SPTBN1: variants seen among roughly 807,000 people sequenced by gnomAD.
SPTBN1 encodes the protein spectrin beta chain, non-erythrocytic 1.
SPTBN1 carries 32 observed loss-of-function variants against 266.4 expected under a neutral mutation model. That is an observed-to-expected ratio of 0.12 (90% CI 0.09 to 0.16). The LOEUF is 0.16. Among genes scored for constraint, SPTBN1 ranks in the 10% least tolerant of loss-of-function variants. The pLI is 1.00. For synonymous variants in SPTBN1, 1,336 were observed against 1,162.2 expected (o/e 1.15, Z -3.04); for missense variants, 2,296 against 3,067.1 (o/e 0.75, Z 5.94).
At chr2:54,518,917 AC>A (rs1670269941) in intron 1 of SPTBN1, among the ~76,000 whole-genome samples, 1 of 152,232 alleles carries the variant, frequency 6.6e-6, no homozygotes, top group African/African-American at 2.4e-5. Flanking sequence ...TAATTTTTTT[AC>A]AAGGGTAAAA....
chr2:54,632,077 TAAAAAA>T (rs34563622), intron 16 of SPTBN1, among the ~76,000 whole-genome samples: 1 of 120,856 alleles, frequency 8.3e-6, no homozygotes, highest in South Asian at 2.7e-4. Flanking sequence ...CCCTGTCTCT[TAAAAAA>T]AAAAAAAAAA....
chr2:54,658,091 C>T (rs755572013), intron 30 of SPTBN1, 45 bp downstream of exon 30: 4 of 1,607,366 alleles, frequency 2.5e-6, no homozygotes, highest in Non-Finnish European at 3.4e-6. Context: ...CCTGGGCAGC[C>T]TTTTCTTCCT....
intron 2 of SPTBN1, among the ~76,000 whole-genome samples, chr2:54,578,234 A>G (rs1045102620): frequency 4.6e-5 from 7 of 152,260 alleles, no homozygotes; most frequent in Non-Finnish European, 1.5e-5. Context: ...TACACAGAGA[A>G]TAACCTTGGA....
intron 3 of SPTBN1, among the ~76,000 whole-genome samples, chr2:54,611,081 T>C (rs6714663): frequency 0.01 from 1,579 of 152,296 alleles, 32 homozygotes; most frequent in African/African-American, 0.035. Flanking sequence ...AATCTGTGTT[T>C]GTGTGTATGA....
At chr2:54,643,272 C>A in intron 19 of SPTBN1, 143 bp downstream of exon 19, 2 of 1,255,248 alleles carry the variant, frequency 1.6e-6, no homozygotes, top group Non-Finnish European at 2.2e-6. Context: ...GCTCCCTTTG[C>A]ACGTACGGGT....
In SPTBN1 at chr2:54,460,934, A is replaced by G. The variant is rs573741106; in HGVS notation, c.-48+4416A>G. Among the ~76,000 whole-genome samples, 11 of 152,312 alleles carry G rather than the reference A, an allele frequency of 7.2e-5. No homozygotes were observed. In the South Asian group the frequency reaches 2.3e-3, roughly 32 times the overall value. ...ACAGAATCAGTTGAACTGGGGAGGC[A>G]GAGGTTGCAGTGAGCCGAGATCGCG... On this transcript the variant is annotated intron_variant, in intron 1 of 35. Coordinates refer to ENST00000356805, the MANE Select transcript of SPTBN1 (RefSeq NM_003128.3).
rs1222320896 is a variant in SPTBN1 at position 54,628,247 on chromosome 2, G to C, written c.1795G>C (p.Glu599Gln). The C allele has an allele frequency of 6.2e-7, 1 of 1,612,068 alleles. No individual in the cohort carries two copies. The highest frequency in any genetic ancestry group is 1.7e-5 in the Admixed American group (1 of 59,706). The change falls in exon 13 of 36, where the codon GAA (glutamate) becomes CAA (glutamine). Residue 599 changes from glutamate to glutamine, a missense_variant. Physicochemically the swap from Glu to Gln is conservative, Grantham distance 29. Around this residue, in one of 12 missense-constraint regions of SPTBN1, gnomAD observed 434 missense variants for 573.9 expected, o/e 0.76. Coordinates refer to ENST00000356805, the MANE Select transcript of SPTBN1 (RefSeq NM_003128.3). This position sits in a 1 kb window ranked among gnomAD's most constrained non-coding sequence, Gnocchi z 4.3. ...ASAQKFATDG[E>Q]GYKPCDPQVI... is the part of the protein sequence containing the mutation. ...CGCCCAGAAGTTCGCAACAGACGGG[G>C]AAGGTAAGGATGGCCCATTCCAAGC...
intron 1 of SPTBN1, among the ~76,000 whole-genome samples, chr2:54,518,792 G>A (rs1322117737): frequency 6.6e-6 from 1 of 152,150 alleles, no homozygotes; most frequent in East Asian, 1.9e-4. Context: ...TTAAGATTGG[G>A]TATTAAGGAA....
intron 7 of SPTBN1, among the ~76,000 whole-genome samples, 158 bp from the exon 8 acceptor site, chr2:54,621,242 A>T (rs1677974306): frequency 6.6e-6 from 1 of 152,192 alleles, no homozygotes; most frequent in Non-Finnish European, 1.5e-5. Context: ...AACCCTCATT[A>T]TCCTTGTAAT....
At chr2:54,627,897 C>T (rs1256194607) in intron 12 of SPTBN1, among the ~76,000 whole-genome samples, 200 bp from the exon 13 acceptor site, 1 of 151,174 alleles carries the variant, frequency 6.6e-6, no homozygotes, top group Non-Finnish European at 1.5e-5. Context: ...TTTGTGATAG[C>T]TCTCCTGACT....
intron 2 of SPTBN1, among the ~76,000 whole-genome samples, chr2:54,581,577 C>CATTT (rs1305877794): frequency 9.7e-6 from 1 of 102,682 alleles, no homozygotes; most frequent in Admixed American, 1.1e-4. Flanking sequence ...TTTCTTTGCC[C>CATTT]TTTTTTTTTT....
intron 18 of SPTBN1, 80 bp downstream of exon 18, chr2:54,637,883 G>C: frequency 1.6e-6 from 2 of 1,214,346 alleles, no homozygotes; most frequent in South Asian, 2.7e-5. Flanking sequence ...AGAGCCTTTT[G>C]AATTATAAAA....
At chr2:54,600,419 C>T (rs913826010) in intron 3 of SPTBN1, among the ~76,000 whole-genome samples, 3 of 152,082 alleles carry the variant, frequency 2.0e-5, no homozygotes, top group African/African-American at 7.3e-5. Context: ...GAGGGTTTGT[C>T]GGTCACACTA....
intron 33 of SPTBN1, 86 bp from the exon 34 acceptor site, chr2:54,665,829 T>C: frequency 6.9e-7 from 1 of 1,454,912 alleles, no homozygotes; most frequent in South Asian, 1.4e-5. Flanking sequence ...GTGAGGATCA[T>C]TTTCATGTTA....
chr2:54,622,741 AC>A (rs1418783876), intron 9 of SPTBN1, among the ~76,000 whole-genome samples: 2 of 152,082 alleles, frequency 1.3e-5, no homozygotes, highest in Non-Finnish European at 2.9e-5. Context: ...CAAGTCCCCA[AC>A]CCCTTATCCA....
chr2:54,469,936 C>T (rs147308636), intron 1 of SPTBN1, among the ~76,000 whole-genome samples: 4 of 152,114 alleles, frequency 2.6e-5, no homozygotes, highest in Admixed American at 1.3e-4. Flanking sequence ...CCTGCCATTT[C>T]GGAAGGAAAG....
intron 2 of SPTBN1, among the ~76,000 whole-genome samples, chr2:54,581,355 T>C (rs1206269408): frequency 6.6e-6 from 1 of 152,120 alleles, no homozygotes; most frequent in East Asian, 1.9e-4. Context: ...AAATTGAGGA[T>C]TCTCCATAGG....
At position 54,637,758 on chromosome 2, in the gene SPTBN1, G is replaced by A; in HGVS notation, c.3813G>A (p.Leu1271=). Residue 1271 remains leucine, a synonymous_variant, in exon 18 of 36, where the codon TTG becomes TTA. Transcript: ENST00000356805. ...CAGCCAGTGAACTTTTGATGAGGTT[G>A]AAGGACAACAGGGATCTACAGAAAT... The part of the protein sequence containing the change: ...RETASELLMR[L]KDNRDLQKFL... The A allele has an allele frequency of 1.9e-6, 3 of 1,613,918 alleles. No homozygotes were observed. Among genetic ancestry groups the A allele is most frequent in the Non-Finnish European group, 2.5e-6 (3 of 1,179,896 alleles).
chr2:54,614,694 T>G (rs1199048939), intron 4 of SPTBN1, among the ~76,000 whole-genome samples: 2 of 151,852 alleles, frequency 1.3e-5, no homozygotes, highest in Non-Finnish European at 2.9e-5. Flanking sequence ...TCCCAGTTAC[T>G]TGAGAAGCTG....
Sources: gnomAD v4.1 joint callset for allele counts (sites outside exome capture counted in the v4.1 genomes callset) on GRCh38, gnomAD v4.1.1 for gene constraint, gnomAD v4.1.1 regional missense constraint, Gnocchi (gnomAD v3.1) non-coding constraint, MANE v1.5 for transcripts, NCBI Gene and HGNC (gene_info 2026-07-23, HGNC 2026-07-21) for gene names.